The following CSGALNACT1 variants were observed in gnomAD, a reference collection of about 807,000 sequenced individuals.
The protein encoded by CSGALNACT1 is beta4GalNAcT-1.
Under a neutral mutation model 51.0 loss-of-function variants are expected in CSGALNACT1, and 52 were observed. The ratio of observed to expected loss-of-function variants is 1.02; its 90% CI spans 0.82 to 1.29. The LOEUF (loss-of-function observed/expected upper bound fraction) is 1.29, where lower values mean the gene tolerates loss of function less well. Among genes scored for constraint, CSGALNACT1 ranks in the 50% most tolerant of loss-of-function variants. CSGALNACT1 has a pLI of 0.00. For missense variants in CSGALNACT1, 935 were observed against 679.2 expected, an observed-to-expected ratio of 1.38 and a Z score of -4.19; for synonymous variants, 341 against 254.4, an observed-to-expected ratio of 1.34 and a Z score of -3.24.
chr8:19,611,305 C>A (rs1169734743), intron 1 of CSGALNACT1, among the ~76,000 whole-genome samples: 1 of 152,134 alleles, frequency 6.6e-6, no homozygotes, highest in Non-Finnish European at 1.5e-5. Context: ...TTCTTATTTC[C>A]TTAAGATTTT....
At chr8:19,690,347 A>T (rs1348333480) in intron 1 of CSGALNACT1, among the ~76,000 whole-genome samples, 1 of 152,220 alleles carries the variant, frequency 6.6e-6, no homozygotes, top group Non-Finnish European at 1.5e-5. Flanking sequence ...TTATAAATTC[A>T]TCAGTATTTC....
At chr8:19,485,377 A>T (rs2072616896) in intron 4 of CSGALNACT1, among the ~76,000 whole-genome samples, 1 of 151,908 alleles carries the variant, frequency 6.6e-6, no homozygotes, top group Non-Finnish European at 1.5e-5. Context: ...AACCCCCTCC[A>T]CTGTGAGAGA....
chr8:19,727,164 C>T (rs1224936958), intron 1 of CSGALNACT1, among the ~76,000 whole-genome samples: 3 of 152,024 alleles, frequency 2.0e-5, no homozygotes, highest in South Asian at 2.1e-4. Flanking sequence ...AGATGTGATT[C>T]CCCAAAAGGA....
intron 3 of CSGALNACT1, among the ~76,000 whole-genome samples, chr8:19,564,385 G>C (rs990364667): frequency 6.7e-6 from 1 of 149,634 alleles, no homozygotes; most frequent in Admixed American, 6.6e-5. Context: ...GTTTTTCTCA[G>C]GTGAGGTTCA....
In CSGALNACT1 at chr8:19,666,809, A is replaced by AAGAAAGAAAGAAAG. The variant is rs1564383214; in HGVS notation, c.-544+15663_-544+15664insCTTTCTTTCTTTCT. ...AAAGAAAGAAAGAAAGAAAGAAAGA[A>AAGAAAGAAAGAAAG]AGAGAGAGAGAGAGAGAGAGAGAGA... On this transcript the variant is annotated intron_variant, in intron 1 of 9. Coordinates refer to the CSGALNACT1 transcript ENST00000332246. 3.9e-3 allele frequency among the ~76,000 whole-genome samples: 98 copies of AAGAAAGAAAGAAAG among 25,098 alleles called. 1 individual carries two copies. The highest frequency in any genetic ancestry group is 0.011 in the East Asian group (12 of 1,056). The allele number at this position is 25,098 out of a possible 152,430, so 16.5% of individuals were successfully genotyped here. A position where few individuals can be genotyped will look rare whatever the true frequency, so the allele number is the denominator to read the frequency against.
chr8:19,533,978 C>T (rs1490117854), intron 3 of CSGALNACT1, among the ~76,000 whole-genome samples: 1 of 152,042 alleles, frequency 6.6e-6, no homozygotes, highest in Non-Finnish European at 1.5e-5. Context: ...TCCCTACCTT[C>T]CCCCCATGCC....
At chr8:19,741,754 T>C (rs2064334405) in intron 1 of CSGALNACT1, among the ~76,000 whole-genome samples, 1 of 152,184 alleles carries the variant, frequency 6.6e-6, no homozygotes, top group Non-Finnish European at 1.5e-5. Context: ...CTTAAGGAAC[T>C]TGTCTACAGG....
chr8:19,420,472 A>C (rs1384312396), exon 7 of CSGALNACT1: 1 of 1,614,180 alleles, frequency 6.2e-7, no homozygotes. Flanking sequence ...CCCCGAGAAA[A>C]TTCTCCATTC....
chr8:19,426,841 T>C (rs1389345695), intron 6 of CSGALNACT1, among the ~76,000 whole-genome samples: 1 of 152,220 alleles, frequency 6.6e-6, no homozygotes, highest in Non-Finnish European at 1.5e-5. Flanking sequence ...CTGTCTAATA[T>C]GATTTACTCT....
chr8:19,622,330 C>T (rs1482105795), intron 1 of CSGALNACT1, among the ~76,000 whole-genome samples: 2 of 152,184 alleles, frequency 1.3e-5, no homozygotes, highest in African/African-American at 4.8e-5. Flanking sequence ...AACTTGGCTA[C>T]AATTCTGTGG....
chr8:19,557,090 G>T (rs758475719), intron 3 of CSGALNACT1, among the ~76,000 whole-genome samples: 13 of 152,216 alleles, frequency 8.5e-5, no homozygotes, highest in Non-Finnish European at 1.8e-4. Flanking sequence ...GGTGAAAAGG[G>T]ATTGGCATCA....
chr8:19,492,848 G>C (rs1167053955), intron 4 of CSGALNACT1, among the ~76,000 whole-genome samples: 1 of 152,144 alleles, frequency 6.6e-6, no homozygotes, highest in Non-Finnish European at 1.5e-5. Context: ...GGAATAATAT[G>C]AACAGATTTT....
chr8:19,553,063 T>G lies in CSGALNACT1; in HGVS notation c.-297+38097A>C, dbSNP rs549593003. On this transcript the variant is annotated intron_variant, in intron 3 of 9. Coordinates refer to ENST00000454498, the Ensembl canonical transcript of CSGALNACT1. Reference sequence around the variant, plus strand: ...ATCGTTTTTGTTAAAGAAATATAGTTTTGTGCCCATTTGTTTTTAGTACAG... The same window carrying G: ...ATCGTTTTTGTTAAAGAAATATAGTGTTGTGCCCATTTGTTTTTAGTACAG... Among the ~76,000 whole-genome samples, 197 of 152,248 alleles carry G rather than the reference T, an allele frequency of 1.3e-3. 2 individuals carry two copies. The highest frequency in any genetic ancestry group is 4.6e-3 in the African/African-American group (193 of 41,546).
chr8:19,489,342 C>T (rs2073841242), intron 4 of CSGALNACT1, among the ~76,000 whole-genome samples: 1 of 152,142 alleles, frequency 6.6e-6, no homozygotes, highest in Non-Finnish European at 1.5e-5. Flanking sequence ...TGATTATTGT[C>T]ATATTGTTAG....
At chr8:19,523,784 G>C (rs561546815) in intron 3 of CSGALNACT1, among the ~76,000 whole-genome samples, 1 of 152,290 alleles carries the variant, frequency 6.6e-6, no homozygotes, top group African/African-American at 2.4e-5. Flanking sequence ...CAGGGTAATG[G>C]GGAGTGGCAA....
intron 1 of CSGALNACT1, among the ~76,000 whole-genome samples, chr8:19,730,646 C>T (rs1411172764): frequency 1.3e-5 from 2 of 152,344 alleles, no homozygotes; most frequent in East Asian, 3.9e-4. Context: ...GTGATGCCCA[C>T]CTCCCAGGTG....
intron 1 of CSGALNACT1, among the ~76,000 whole-genome samples, chr8:19,611,246 C>G (rs1268211171): frequency 2.0e-5 from 3 of 152,168 alleles, no homozygotes; most frequent in African/African-American, 7.2e-5. Flanking sequence ...TCATTCTGAG[C>G]ACTTAAAGAC....
intron 3 of CSGALNACT1, among the ~76,000 whole-genome samples, chr8:19,529,677 C>T (rs2082358640): frequency 6.6e-6 from 1 of 152,148 alleles, no homozygotes; most frequent in Non-Finnish European, 1.5e-5. Flanking sequence ...CACCCACACA[C>T]ACAGAGTTGT....
intron 1 of CSGALNACT1, among the ~76,000 whole-genome samples, chr8:19,679,586 C>G (rs2060446229): frequency 6.6e-6 from 1 of 152,156 alleles, no homozygotes; most frequent in African/African-American, 2.4e-5. Flanking sequence ...CCCCTGTAGC[C>G]ACCTTTAAAA....
Sources: gnomAD v4.1 joint callset for allele counts (sites outside exome capture counted in the v4.1 genomes callset) on GRCh38, gnomAD v4.1.1 for gene constraint, MANE v1.5 for transcripts, NCBI Gene and HGNC (gene_info 2026-07-23, HGNC 2026-07-21) for gene names.